ARHGEF7: variants seen among roughly 807,000 people sequenced by gnomAD.
The protein encoded by ARHGEF7 is Rho guanine nucleotide exchange factor 7, also known as PAK-interacting exchange factor beta.
ARHGEF7 carries 33 observed loss-of-function variants against 109.8 expected under a neutral mutation model. The ratio of observed to expected loss-of-function variants is 0.30; its 90% CI spans 0.23 to 0.40. The LOEUF (loss-of-function observed/expected upper bound fraction) is 0.40. Among genes scored for constraint, ARHGEF7 ranks in the 10% least tolerant of loss-of-function variants. The probability of loss-of-function intolerance (pLI) is 1.00; values close to 1 mark genes in which losing one functional copy is unlikely to be tolerated. For synonymous variants in ARHGEF7, 458 were observed against 424.6 expected, an observed-to-expected ratio of 1.08 and a Z score of -0.97; for missense variants, 938 against 1,098.5, an observed-to-expected ratio of 0.85 and a Z score of 2.07.
chr13:111,116,312 A>G (rs1275540875), intron 1 of ARHGEF7: 1 of 152,438 alleles, frequency 6.6e-6, no homozygotes, highest in East Asian at 1.9e-4. Context: ...AAAATTCTAG[A>G]TTTCGTTCTC....
At chr13:111,197,521 C>T (rs1015928052) in intron 2 of ARHGEF7, among the ~76,000 whole-genome samples, 1 of 152,160 alleles carries the variant, frequency 6.6e-6, no homozygotes. Context: ...TGGGACTTTA[C>T]TTGTGTCCTA....
intron 1 of ARHGEF7, among the ~76,000 whole-genome samples, chr13:111,135,946 T>C (rs1343950655): frequency 6.6e-6 from 1 of 152,168 alleles, no homozygotes; most frequent in East Asian, 1.9e-4. Flanking sequence ...CATAAATAGC[T>C]CTTATTATTT....
chr13:111,293,601 GTGTTC>G (rs919910841), intron 19 of ARHGEF7: 2 of 985,218 alleles, frequency 2.0e-6, no homozygotes, highest in African/African-American at 3.5e-5. Flanking sequence ...GGGCCAAATT[GTGTTC>G]TGTCCCATGC....
chr13:111,281,461 C>T (rs939474036), intron 15 of ARHGEF7, among the ~76,000 whole-genome samples: 2 of 152,090 alleles, frequency 1.3e-5, no homozygotes, highest in African/African-American at 4.8e-5. Context: ...TTTTCTTCTT[C>T]ATGTGAAGGT....
At chr13:111,141,358 G>GTT (rs34639240) in intron 1 of ARHGEF7, among the ~76,000 whole-genome samples, 43 of 146,994 alleles carry the variant, frequency 2.9e-4, no homozygotes, top group Middle Eastern at 3.5e-3. Flanking sequence ...CCGTCCCCAT[G>GTT]TTTTTTTTTT....
At chr13:111,139,474 CCAGA>C in intron 1 of ARHGEF7, among the ~76,000 whole-genome samples, 2 of 152,232 alleles carry the variant, frequency 1.3e-5, no homozygotes, top group Non-Finnish European at 2.9e-5. Flanking sequence ...CAGGAGGCCT[CCAGA>C]GCGTGTTTTG....
chr13:111,215,148 A>G (rs1021148311), intron 4 of ARHGEF7, among the ~76,000 whole-genome samples: 3 of 152,100 alleles, frequency 2.0e-5, no homozygotes, highest in African/African-American at 4.8e-5. Flanking sequence ...CAGACATACA[A>G]TGCGTCATAA....
intron 2 of ARHGEF7, among the ~76,000 whole-genome samples, chr13:111,167,276 T>C (rs1037363302): frequency 6.6e-6 from 1 of 152,194 alleles, no homozygotes; most frequent in Admixed American, 6.5e-5. Flanking sequence ...AACTGAGGAC[T>C]CGTCATCAAG....
intron 2 of ARHGEF7, among the ~76,000 whole-genome samples, chr13:111,198,630 A>T (rs1390638441): frequency 6.6e-6 from 1 of 152,148 alleles, no homozygotes; most frequent in Admixed American, 6.5e-5. Context: ...GACTTCAGGA[A>T]CGAAGCTGCA....
intron 8 of ARHGEF7, among the ~76,000 whole-genome samples, chr13:111,245,327 G>C (rs7325502): frequency 0.18 from 27,133 of 151,930 alleles, 3,294 homozygotes; most frequent in East Asian, 0.69. Flanking sequence ...CCACTGAGCT[G>C]GTTGTCGTAT....
chr13:111,174,351 G>A (rs2077907889), intron 2 of ARHGEF7, among the ~76,000 whole-genome samples: 1 of 152,200 alleles, frequency 6.6e-6, no homozygotes, highest in Non-Finnish European at 1.5e-5. Flanking sequence ...CACCTGTTGT[G>A]TATTGGCATC....
In ARHGEF7 at chr13:111,273,716, AT is replaced by A; in HGVS notation, c.1074-97del. On this transcript the variant is annotated intron_variant, in intron 9 of 21. Transcript: ENST00000646102. The surrounding 1 kb of genome is among the most constrained non-coding windows in gnomAD (Gnocchi z 4.5). ...CTTCCAGATGTTAAAAGCAACACTT[AT>A]GTTTCATAAATTCTGGCTGTTGCTC... The A allele has an allele frequency of 6.6e-7, 1 of 1,518,804 alleles. No homozygotes were observed. The highest frequency in any genetic ancestry group is 9.1e-7 in the Non-Finnish European group (1 of 1,103,704). 94.1% of individuals were successfully genotyped at this position (1,518,804 alleles called of 1,614,324 possible).
intron 1 of ARHGEF7, among the ~76,000 whole-genome samples, chr13:111,127,480 C>T (rs1195283252): frequency 6.6e-6 from 1 of 151,366 alleles, no homozygotes; most frequent in African/African-American, 2.4e-5. Flanking sequence ...TGAGACCCTC[C>T]CCCCATCACT....
chr13:111,178,095 A>G (rs1295946936), intron 2 of ARHGEF7, among the ~76,000 whole-genome samples: 1 of 152,200 alleles, frequency 6.6e-6, no homozygotes. Context: ...TTCTTTGATC[A>G]TCTTTTAGTC....
At chr13:111,243,816 T>G (rs2088272705) in intron 6 of ARHGEF7, 56 bp from the exon 7 acceptor site, 1 of 1,150,600 alleles carries the variant, frequency 8.7e-7, no homozygotes, top group African/African-American at 1.5e-5. Flanking sequence ...TGTATAAATC[T>G]TAGTGTCAAA....
rs1177381655 is a variant in ARHGEF7 at position 111,259,704 on chromosome 13, G to A, written c.951-7844G>A. Among the ~76,000 whole-genome samples, 3 of 152,232 alleles carry A rather than the reference G, an allele frequency of 2.0e-5. No homozygotes were observed. In the East Asian group the frequency reaches 5.8e-4, roughly 29 times the overall value. On this transcript the variant is annotated intron_variant, in intron 8 of 21. Coordinates refer to ENST00000646102, the MANE Select transcript of ARHGEF7 (RefSeq NM_001354046.2). ...TACAATAAACACCTAGCTCTTCAAC[G>A]CCCAGTGCCCAGACACTGACAAACA...
chr13:111,165,016 G>C (rs972779232), intron 2 of ARHGEF7, among the ~76,000 whole-genome samples: 1 of 152,090 alleles, frequency 6.6e-6, no homozygotes, highest in African/African-American at 2.4e-5. Flanking sequence ...CTCCAGTGTT[G>C]GGATGATAAA....
intron 5 of ARHGEF7, among the ~76,000 whole-genome samples, chr13:111,223,517 CAG>C (rs1410464206): frequency 6.6e-6 from 1 of 152,126 alleles, no homozygotes; most frequent in Non-Finnish European, 1.5e-5. Context: ...ATAAATTGAC[CAG>C]ATGGTCCAAT....
intron 1 of ARHGEF7, among the ~76,000 whole-genome samples, chr13:111,149,888 TA>T (rs1198361782): frequency 6.6e-6 from 1 of 152,242 alleles, no homozygotes; most frequent in Non-Finnish European, 1.5e-5. Flanking sequence ...TTTAAAGTTT[TA>T]TACACATTAA....
Sources: gnomAD v4.1 joint callset for allele counts (sites outside exome capture counted in the v4.1 genomes callset) on GRCh38, gnomAD v4.1.1 for gene constraint, Gnocchi (gnomAD v3.1) non-coding constraint, MANE v1.5 for transcripts, NCBI Gene and HGNC (gene_info 2026-07-23, HGNC 2026-07-21) for gene names.